Variants in USP33 observed in about 807,000 individuals in gnomAD.
USP33 encodes ubiquitin carboxyl-terminal hydrolase 33.
Under a neutral mutation model 124.2 loss-of-function variants are expected in USP33, and 46 were observed. The ratio of observed to expected loss-of-function variants is 0.37; its 90% CI spans 0.29 to 0.47. USP33 has a LOEUF of 0.47. USP33 is among the 20% of genes least tolerant of loss of function. The probability of loss-of-function intolerance (pLI) is 0.99; values close to 1 mark genes in which losing one functional copy is unlikely to be tolerated. For synonymous variants in USP33, 350 were observed against 352.3 expected, an observed-to-expected ratio of 0.99 and a Z score of 0.07; for missense variants, 851 against 1,070.6, an observed-to-expected ratio of 0.79 and a Z score of 2.86.
intron 12 of USP33, among the ~76,000 whole-genome samples, chr1:77,722,591 C>T (rs942119835): frequency 6.6e-6 from 1 of 151,630 alleles, no homozygotes; most frequent in Non-Finnish European, 1.5e-5. Flanking sequence ...AAGGGTGAGA[C>T]AAAATCTGGC....
chr1:77,720,364 C>T, intron 15 of USP33: 1 of 985,164 alleles, frequency 1.0e-6, no homozygotes, highest in Non-Finnish European at 1.2e-6. Flanking sequence ...AGGAACAATC[C>T]CCTTCCAAGC....
chr1:77,759,667 C>A lies in USP33; in HGVS notation c.-76G>T, dbSNP rs1681144074. The A allele has an allele frequency of 2.5e-6, 1 of 399,270 alleles. No homozygotes were observed. Among genetic ancestry groups the A allele is most frequent in the Non-Finnish European group, 4.4e-6 (1 of 226,696 alleles). The allele number at this position is 399,270 out of a possible 1,614,324, so 24.7% of individuals were successfully genotyped here. On this transcript the variant is annotated 5_prime_UTR_variant, in exon 1 of 24. Transcript: ENST00000370794. The stretch of plus-strand genomic sequence containing the variant: ...CCTCCACGGCCTGGCCCGCGGGACC[C>A]GCCAGCTCGACCAACAACGGCCTGC...
In USP33 at chr1:77,751,684, G is replaced by T. The variant is rs546725000; in HGVS notation, c.-52+7959C>A. Among the ~76,000 whole-genome samples, 28 of 152,068 alleles carry T rather than the reference G, an allele frequency of 1.8e-4. No homozygotes were observed. The East Asian group carries it at 5.5e-3, about 30-fold the overall frequency. The stretch of plus-strand genomic sequence containing the variant: ...TCAAAAACAAAACAAAACTGCTTCT[G>T]AAGATATTACCTTTTTTTTTTTGAG... On this transcript the variant is annotated intron_variant, in intron 1 of 23. Coordinates refer to ENST00000370794, the MANE Select transcript of USP33 (RefSeq NM_201624.3).
intron 22 of USP33, among the ~76,000 whole-genome samples, chr1:77,698,820 T>C (rs1465618788): frequency 6.6e-6 from 1 of 152,066 alleles, no homozygotes; most frequent in Non-Finnish European, 1.5e-5. Context: ...TTTTTAACTC[T>C]CCATTTGGGG....
intron 5 of USP33, among the ~76,000 whole-genome samples, chr1:77,737,160 A>G (rs987133589): frequency 8.5e-5 from 13 of 152,328 alleles, no homozygotes; most frequent in African/African-American, 3.1e-4. Flanking sequence ...ATGAACCAAC[A>G]TTCAGCAACA....
chr1:77,720,664 T>A, intron 15 of USP33: 1 of 962,654 alleles, frequency 1.0e-6, no homozygotes, highest in Non-Finnish European at 1.2e-6. Context: ...CTTCCAACAC[T>A]TTTTTCTGAC....
intron 21 of USP33, among the ~76,000 whole-genome samples, chr1:77,705,717 T>C (rs1674552064): frequency 6.6e-6 from 1 of 151,984 alleles, no homozygotes; most frequent in Admixed American, 6.6e-5. Context: ...ACTCTTCGTA[T>C]GGACTTTAAT....
At chr1:77,702,112 A>T (rs568469502) in intron 21 of USP33, among the ~76,000 whole-genome samples, 1 of 127,966 alleles carries the variant, frequency 7.8e-6, no homozygotes, top group African/African-American at 2.9e-5. Context: ...ACTGTACTCC[A>T]GCCTGGGTGA....
chr1:77,731,172 T>C (rs112740286), intron 7 of USP33, among the ~76,000 whole-genome samples: 3 of 152,344 alleles, frequency 2.0e-5, no homozygotes, highest in African/African-American at 7.2e-5. Flanking sequence ...CCCTGGGCGA[T>C]CTAAAATTTT....
intron 7 of USP33, among the ~76,000 whole-genome samples, chr1:77,731,789 C>A (rs185558494): frequency 1.6e-3 from 237 of 152,208 alleles, no homozygotes; most frequent in Admixed American, 7.2e-3. Context: ...AACAAACATA[C>A]ACGTAAAAAT....
chr1:77,698,618 A>G (rs1440034314), intron 22 of USP33, among the ~76,000 whole-genome samples: 2 of 148,766 alleles, frequency 1.3e-5, no homozygotes, highest in Non-Finnish European at 3.0e-5. Context: ...CTCCTGCCTC[A>G]GCCTCCCGAG....
chr1:77,714,647 T>C lies in USP33; in HGVS notation c.2182A>G (p.Ile728Val). The C allele has an allele frequency of 2.5e-6, 4 of 1,613,284 alleles. No homozygotes were observed. Among genetic ancestry groups the C allele is most frequent in the Non-Finnish European group, 3.4e-6 (4 of 1,179,918 alleles). Reference protein sequence around the residue: ...KFKTFAEPGPISNNDFLCIHG... With the variant: ...KFKTFAEPGPVSNNDFLCIHG... ...ATACAAAGAAAGTCATTATTTGAAA[T>C]AGGGCCAGGTTCGGCAAAGGTCTTA... The change falls in exon 19 of 24, where the codon ATT becomes GTT. Residue 728 changes from isoleucine (I) to valine (V), a missense_variant. Around this residue, in one of 4 missense-constraint regions of USP33, gnomAD observed 281 missense variants for 425.0 expected, o/e 0.66. Coordinates refer to ENST00000370794, the MANE Select transcript of USP33 (RefSeq NM_201624.3).
intron 5 of USP33, 22 bp downstream of exon 5, chr1:77,739,243 C>A (rs375505366): frequency 6.7e-5 from 107 of 1,590,430 alleles, no homozygotes; most frequent in Non-Finnish European, 8.4e-5. Flanking sequence ...TACAGCTTAA[C>A]TAAGTGGATC....
intron 12 of USP33, 111 bp from the exon 13 acceptor site, chr1:77,722,307 C>T: frequency 1.1e-6 from 1 of 878,140 alleles, no homozygotes; most frequent in Non-Finnish European, 1.6e-6. Context: ...GCAAAAAAAA[C>T]AAAAAACAAA....
chr1:77,751,342 G>A (rs1007456675), intron 1 of USP33, among the ~76,000 whole-genome samples: 3 of 152,148 alleles, frequency 2.0e-5, no homozygotes, highest in Non-Finnish European at 4.4e-5. Context: ...TTGCTCATCT[G>A]CATTAAAGTA....
At chr1:77,731,792 G>A (rs1233908583) in intron 7 of USP33, among the ~76,000 whole-genome samples, 1 of 152,044 alleles carries the variant, frequency 6.6e-6, no homozygotes, top group South Asian at 2.1e-4. Flanking sequence ...AAACATACAC[G>A]TAAAAATCTC....
Position 77,697,374 on chromosome 1 carries a change from A to G in USP33, c.2679T>C (p.Val893=). ...CTTCTGCTTGAAGTATATCTGGATC[A>G]ACATGAACAACCGGAGGTCGCAGGA... is the stretch of plus-strand genomic sequence containing the variant. ...EVILRPPVVH[V]DPDILQAEEK... The change falls in exon 24 of 24, where the codon GTT becomes GTC. Residue 893 remains valine, a synonymous_variant. Transcript: ENST00000370794. The G allele has an allele frequency of 6.2e-7, 1 of 1,613,070 alleles. No homozygotes were observed. The highest frequency in any genetic ancestry group is 8.5e-7 in the Non-Finnish European group (1 of 1,179,806).
intron 21 of USP33, among the ~76,000 whole-genome samples, chr1:77,703,790 T>C (rs1674305927): frequency 6.6e-6 from 1 of 152,148 alleles, no homozygotes; most frequent in Admixed American, 6.5e-5. Context: ...GCACAGTGGC[T>C]CACTTGAGAC....
chr1:77,739,328 T>C lies in USP33; in HGVS notation c.288A>G (p.Leu96=), dbSNP rs749775930. ...CSKEVFLDRK[L]GTQPSLPHVR... ...CATGAGGCAATGAAGGCTGAGTTCCTAATTTCCTATCCAAAAATACTTCTT... is the reference window on the plus strand; with the variant it reads ...CATGAGGCAATGAAGGCTGAGTTCCCAATTTCCTATCCAAAAATACTTCTT... The change falls in exon 5 of 24, where the codon TTA becomes TTG. Residue 96 remains leucine, a synonymous_variant. Transcript: ENST00000370794. The C allele has an allele frequency of 9.9e-6, 16 of 1,613,818 alleles. No homozygotes were observed. The highest frequency in any genetic ancestry group is 1.7e-6 in the Non-Finnish European group (2 of 1,179,900).
Sources: gnomAD v4.1 joint callset for allele counts (sites outside exome capture counted in the v4.1 genomes callset) on GRCh38, gnomAD v4.1.1 for gene constraint, gnomAD v4.1.1 regional missense constraint, MANE v1.5 for transcripts, NCBI Gene and HGNC (gene_info 2026-07-23, HGNC 2026-07-21) for gene names.